ARHGEF37: variants seen among roughly 807,000 people sequenced by gnomAD.
ARHGEF37 encodes Rho guanine nucleotide exchange factor 37.
In ARHGEF37, 55 loss-of-function variants were observed where a neutral mutation model predicts 71.1. That is an observed-to-expected ratio of 0.77 (90% CI 0.62 to 0.97). The LOEUF (loss-of-function observed/expected upper bound fraction) is 0.97, where lower values mean the gene tolerates loss of function less well. Among genes scored for constraint, ARHGEF37 ranks in the 50% least tolerant of loss-of-function variants. The pLI is 0.00. For synonymous variants in ARHGEF37, 327 were observed against 350.6 expected, an observed-to-expected ratio of 0.93 and a Z score of 0.75; for missense variants, 765 against 836.8, an observed-to-expected ratio of 0.91 and a Z score of 1.06.
chr5:149,621,456 C>T (rs1752537508), intron 8 of ARHGEF37, among the ~76,000 whole-genome samples: 1 of 151,660 alleles, frequency 6.6e-6, no homozygotes. Flanking sequence ...AAACAAAAAA[C>T]TTTTTCAAGG....
At chr5:149,562,886 A>C (rs1762851146) in intron 1 of ARHGEF37, among the ~76,000 whole-genome samples, 12 of 152,212 alleles carry the variant, frequency 7.9e-5, no homozygotes, top group Admixed American at 5.2e-4. Context: ...AAAGTAGCAG[A>C]GATTACCTAA....
At chr5:149,587,158 T>C (rs970980574) in intron 1 of ARHGEF37, among the ~76,000 whole-genome samples, 3 of 152,090 alleles carry the variant, frequency 2.0e-5, no homozygotes, top group Non-Finnish European at 4.4e-5. Context: ...CTGAAATGAG[T>C]CATGCCATCA....
chr5:149,584,364 A>G (rs886714967), intron 1 of ARHGEF37, among the ~76,000 whole-genome samples: 13 of 151,594 alleles, frequency 8.6e-5, no homozygotes, highest in Non-Finnish European at 1.0e-4. Flanking sequence ...TCCTCCAGGA[A>G]AGAGAGAGAG....
chr5:149,562,536 G>A (rs1039059890), intron 1 of ARHGEF37, among the ~76,000 whole-genome samples: 19 of 152,038 alleles, frequency 1.2e-4, no homozygotes, highest in African/African-American at 4.8e-5. Context: ...GCAAGCTCCC[G>A]GGTTCACGCT....
At chr5:149,629,280 T>C (rs1246032033) in intron 12 of ARHGEF37, among the ~76,000 whole-genome samples, 1 of 152,210 alleles carries the variant, frequency 6.6e-6, no homozygotes, top group African/African-American at 2.4e-5. Flanking sequence ...AGATGAGAGA[T>C]ACAATGATGA....
intron 11 of ARHGEF37, among the ~76,000 whole-genome samples, chr5:149,627,768 T>G (rs1580939591): frequency 6.6e-6 from 1 of 152,152 alleles, no homozygotes; most frequent in Non-Finnish European, 1.5e-5. Context: ...CCAGTGTAAC[T>G]GGGCTGAAGG....
chr5:149,615,571 T>C (rs1050716545), intron 4 of ARHGEF37, among the ~76,000 whole-genome samples: 3 of 152,142 alleles, frequency 2.0e-5, no homozygotes, highest in African/African-American at 7.2e-5. Context: ...AATAAATCTC[T>C]AAAAATTAAG....
At position 149,568,416 on chromosome 5, in the gene ARHGEF37, A is replaced by T. The variant is rs11949432; in HGVS notation, c.-12+16293A>T. Among the ~76,000 whole-genome samples the T allele has an allele frequency of 5.3e-3, 802 of 152,308 alleles. 5 individuals carry two copies. The highest frequency in any genetic ancestry group is 0.018 in the African/African-American group (760 of 41,572). ...AAAAAGCAAACCTAATTAAAATTCA[A>T]TATTTATTTATAATGTTTTGAGGTA... is the stretch of plus-strand genomic sequence containing the variant. On this transcript the variant is annotated intron_variant, in intron 1 of 2. Coordinates refer to the ARHGEF37 transcript ENST00000505810.
chr5:149,626,304 A>C (rs1381402069), intron 10 of ARHGEF37, among the ~76,000 whole-genome samples: 1 of 151,984 alleles, frequency 6.6e-6, no homozygotes, highest in East Asian at 1.9e-4. Flanking sequence ...CTCAAGACAT[A>C]GAGTAAATAT....
intron 1 of ARHGEF37, among the ~76,000 whole-genome samples, chr5:149,584,877 C>G (rs1306801337): frequency 1.3e-5 from 2 of 152,156 alleles, no homozygotes; most frequent in African/African-American, 4.8e-5. Flanking sequence ...CTGCCTTGGC[C>G]TCCCAAAGTG....
intron 1 of ARHGEF37, among the ~76,000 whole-genome samples, chr5:149,594,716 T>A (rs543793294): frequency 6.6e-6 from 1 of 152,332 alleles, no homozygotes; most frequent in East Asian, 1.9e-4. Context: ...CAAGGTTACA[T>A]GGGATCTGTG....
At chr5:149,622,278 TGA>T (rs1476124188) in intron 9 of ARHGEF37, among the ~76,000 whole-genome samples, 1 of 152,182 alleles carries the variant, frequency 6.6e-6, no homozygotes, top group African/African-American at 2.4e-5. Flanking sequence ...AGGATAGGAC[TGA>T]GATTTCAGAC....
intron 1 of ARHGEF37, among the ~76,000 whole-genome samples, chr5:149,555,996 T>A (rs1580876987): frequency 6.6e-6 from 1 of 152,082 alleles, no homozygotes; most frequent in Non-Finnish European, 1.5e-5. Flanking sequence ...ACCATTTTTT[T>A]AAGCCACAGT....
intron 5 of ARHGEF37, 58 bp downstream of exon 5, chr5:149,616,824 A>T: frequency 6.7e-7 from 1 of 1,485,148 alleles, no homozygotes; most frequent in Non-Finnish European, 9.2e-7. Context: ...GTTACAGAAA[A>T]TTTATCTAAA....
At chr5:149,598,055 A>G in intron 2 of ARHGEF37, 100 bp downstream of exon 2, 1 of 1,378,918 alleles carries the variant, frequency 7.3e-7, no homozygotes, top group Non-Finnish European at 9.7e-7. Context: ...CTTGACAGAA[A>G]GGAAGCGTGG....
intron 1 of ARHGEF37, among the ~76,000 whole-genome samples, chr5:149,596,570 G>C (rs1456746989): frequency 6.6e-6 from 1 of 152,222 alleles, no homozygotes; most frequent in Non-Finnish European, 1.5e-5. Context: ...CTCCCAAAGT[G>C]CTGGGATTAC....
At position 149,556,004 on chromosome 5, in the gene ARHGEF37, A is replaced by G. The variant is rs552759649; in HGVS notation, c.-12+3881A>G. On this transcript the variant is annotated intron_variant, in intron 1 of 2. Transcript: ENST00000505810. ...AACAAAAACCATTTTTTTAAGCCAC[A>G]GTGTTTACTCAAGCAACGGTCACTG... 3.1e-3 allele frequency among the ~76,000 whole-genome samples: 473 copies of G among 152,164 alleles called. 5 individuals are homozygous for G. The highest frequency in any genetic ancestry group is 0.015 in the South Asian group (72 of 4,826).
At chr5:149,587,896 T>A (rs918322985) in intron 1 of ARHGEF37, among the ~76,000 whole-genome samples, 3 of 88,952 alleles carry the variant, frequency 3.4e-5, no homozygotes, top group Non-Finnish European at 2.2e-5. Context: ...CCTTTAGTCT[T>A]TTTTTTTTTT....
At chr5:149,579,506 T>A (rs554583634), upstream of ARHGEF37, among the ~76,000 whole-genome samples, 18 of 152,170 alleles carry the variant, frequency 1.2e-4, no homozygotes, top group Non-Finnish European at 1.8e-4. Flanking sequence ...CTTTGAAGCA[T>A]CCCTAATAAG....
Sources: allele counts gnomAD v4.1 joint callset (sites outside exome capture counted in the v4.1 genomes callset), GRCh38; gene constraint gnomAD v4.1.1; transcripts MANE v1.5; gene names NCBI Gene and HGNC (gene_info 2026-07-23, HGNC 2026-07-21).